The following ENPP6 variants were observed in gnomAD, a reference collection of about 807,000 sequenced individuals.
ENPP6 encodes the protein glycerophosphocholine cholinephosphodiesterase ENPP6.
Under a neutral mutation model 42.0 loss-of-function variants are expected in ENPP6, and 32 were observed. That is an observed-to-expected ratio of 0.76 (90% CI 0.58 to 1.02). ENPP6 has a LOEUF of 1.02. Among genes scored for constraint, ENPP6 ranks in the 50% least tolerant of loss-of-function variants. The probability of loss-of-function intolerance (pLI) is 0.00; values close to 1 mark genes in which losing one functional copy is unlikely to be tolerated. For synonymous variants in ENPP6, 213 were observed against 216.0 expected, an observed-to-expected ratio of 0.99 and a Z score of 0.12; for missense variants, 552 against 566.8, an observed-to-expected ratio of 0.97 and a Z score of 0.27.
chr4:184,131,270 T>TCCTTCCTTCCTC (rs1736625568), intron 2 of ENPP6, among the ~76,000 whole-genome samples: 1 of 111,148 alleles, frequency 9.0e-6, no homozygotes, highest in Admixed American at 8.7e-5. Context: ...CTTCCTTCCT[T>TCCTTCCTTCCTC]CCTTCCTTCC....
chr4:184,156,623 G>A lies in ENPP6; in HGVS notation c.242-2890C>T, dbSNP rs139819139. Among the ~76,000 whole-genome samples, 55 of 152,298 alleles carry A rather than the reference G, an allele frequency of 3.6e-4. 1 individual carries two copies. The East Asian group carries it at 6.0e-3, about 17-fold the overall frequency. Reference sequence around the variant, plus strand: ...CCTGACATCCTCCAACACCACAATTGCAAGTGGTTTTCAGGTATGATGTAA... The same window carrying A: ...CCTGACATCCTCCAACACCACAATTACAAGTGGTTTTCAGGTATGATGTAA... On this transcript the variant is annotated intron_variant, in intron 1 of 7. Coordinates refer to ENST00000296741, the MANE Select transcript of ENPP6 (RefSeq NM_153343.4).
At chr4:184,131,252 C>CCT (rs755358525) in intron 2 of ENPP6, among the ~76,000 whole-genome samples, 18,702 of 81,172 alleles carry the variant, frequency 0.23, 3,359 homozygotes, top group African/African-American at 0.3. Flanking sequence ...TTCTTTCTTT[C>CCT]TCTTTCTCTT....
chr4:184,196,707 A>G (rs1421861518), intron 1 of ENPP6, among the ~76,000 whole-genome samples: 2 of 152,252 alleles, frequency 1.3e-5, no homozygotes, highest in African/African-American at 4.8e-5. Context: ...AAGCTCTTAC[A>G]GAAAGAATAG....
intron 1 of ENPP6, among the ~76,000 whole-genome samples, chr4:184,154,301 C>T (rs533919191): frequency 6.6e-6 from 1 of 152,290 alleles, no homozygotes; most frequent in African/African-American, 2.4e-5. Flanking sequence ...CAGTGTTATA[C>T]AGAAACGAGG....
At chr4:184,113,899 T>TTTTCTTTTCTTTC (rs1736257244) in intron 5 of ENPP6, among the ~76,000 whole-genome samples, 3 of 103,626 alleles carry the variant, frequency 2.9e-5, no homozygotes, top group Non-Finnish European at 3.9e-5. Flanking sequence ...CCTTTCTTTC[T>TTTTCTTTTCTTTC]TTTCTTTCTT....
intron 1 of ENPP6, among the ~76,000 whole-genome samples, chr4:184,162,726 T>C (rs1471067208): frequency 3.3e-5 from 5 of 152,122 alleles, no homozygotes; most frequent in Non-Finnish European, 7.4e-5. Flanking sequence ...TCACCTTCTT[T>C]GAAAGGTGAG....
chr4:184,093,640 AAAT>A (rs370411138), intron 7 of ENPP6, among the ~76,000 whole-genome samples: 2,058 of 132,440 alleles, frequency 0.016, 33 homozygotes, highest in Admixed American at 0.031. Flanking sequence ...CTCTGTCTCA[AAAT>A]AATAATAATA....
At chr4:184,168,249 G>C (rs1044920585) in intron 1 of ENPP6, among the ~76,000 whole-genome samples, 1 of 152,136 alleles carries the variant, frequency 6.6e-6, no homozygotes, top group Non-Finnish European at 1.5e-5. Flanking sequence ...TTCAGGTAGG[G>C]AAAGCTTTGG....
intron 2 of ENPP6, among the ~76,000 whole-genome samples, chr4:184,127,687 G>A (rs1412109933): frequency 6.6e-6 from 1 of 152,180 alleles, no homozygotes; most frequent in East Asian, 1.9e-4. Flanking sequence ...AACCTGGTGG[G>A]TGGAGGTTGC....
chr4:184,106,836 G>A (rs1370535683), intron 6 of ENPP6, among the ~76,000 whole-genome samples: 1 of 152,202 alleles, frequency 6.6e-6, no homozygotes, highest in East Asian at 1.9e-4. Flanking sequence ...GTTGGCCGTC[G>A]CTGTAGTCGG....
intron 7 of ENPP6, among the ~76,000 whole-genome samples, chr4:184,091,750 T>A (rs138770044): frequency 5.9e-5 from 9 of 152,052 alleles, no homozygotes; most frequent in African/African-American, 1.7e-4. Context: ...CTAAAAAAAA[T>A]TTTTTAAACC....
chr4:184,208,441 C>T (rs572504455), intron 1 of ENPP6, among the ~76,000 whole-genome samples: 2 of 152,148 alleles, frequency 1.3e-5, no homozygotes, highest in Non-Finnish European at 2.9e-5. Flanking sequence ...CACAAGGGGT[C>T]AGGGAGTTCC....
chr4:184,170,620 G>T (rs1395517995), intron 1 of ENPP6, among the ~76,000 whole-genome samples: 1 of 152,162 alleles, frequency 6.6e-6, no homozygotes, highest in East Asian at 1.9e-4. Flanking sequence ...TAGGCTGATT[G>T]TATCCTCGTG....
At position 184,099,027 on chromosome 4, in the gene ENPP6, C is replaced by T. The variant is rs1159112747; in HGVS notation, c.994-1659G>A. ...TAAGCTGACACCAACGTCCACTGAA[C>T]CATCACAACATCCCAGTGGGGATGA... On this transcript the variant is annotated intron_variant, in intron 6 of 7. Coordinates refer to ENST00000296741, the MANE Select transcript of ENPP6 (RefSeq NM_153343.4). Among the ~76,000 whole-genome samples the T allele has an allele frequency of 3.3e-5, 5 of 152,226 alleles. No homozygotes were observed. The East Asian group carries it at 9.6e-4, about 29-fold the overall frequency.
chr4:184,120,546 A>T (rs1736398950), intron 3 of ENPP6, among the ~76,000 whole-genome samples: 1 of 152,186 alleles, frequency 6.6e-6, no homozygotes, highest in African/African-American at 2.4e-5. Context: ...CCCATGAGCC[A>T]TTCAAGGCTC....
In ENPP6 at chr4:184,117,741, G is replaced by A. The variant is rs375249112; in HGVS notation, c.675+18C>T. ...TGACAGAGAGAAGGCCAGGCCACGT[G>A]TCTTTGCTTCAGGTCACCTGGATCC... On this transcript the variant is annotated intron_variant, in intron 4 of 7. Coordinates refer to ENST00000296741, the MANE Select transcript of ENPP6 (RefSeq NM_153343.4). The A allele has an allele frequency of 1.2e-6, 2 of 1,612,116 alleles. No homozygotes were observed. The highest frequency in any genetic ancestry group is 2.2e-5 in the East Asian group (1 of 44,826).
At chr4:184,125,451 A>G (rs1013906054) in intron 2 of ENPP6, among the ~76,000 whole-genome samples, 1 of 152,160 alleles carries the variant, frequency 6.6e-6, no homozygotes, top group Non-Finnish European at 1.5e-5. Context: ...AGCCCAGGGA[A>G]AATGATTTCC....
At chr4:184,120,239 C>A (rs1736394529) in intron 3 of ENPP6, among the ~76,000 whole-genome samples, 1 of 152,140 alleles carries the variant, frequency 6.6e-6, no homozygotes. Context: ...GGGTCCAGGC[C>A]AGGACAGGGG....
intron 7 of ENPP6, among the ~76,000 whole-genome samples, chr4:184,095,131 T>C (rs1229309227): frequency 6.6e-6 from 1 of 152,196 alleles, no homozygotes; most frequent in African/African-American, 2.4e-5. Context: ...TGCGGGAGGC[T>C]CTCCACGCTG....
Sources: gnomAD v4.1 joint callset for allele counts (sites outside exome capture counted in the v4.1 genomes callset) on GRCh38, gnomAD v4.1.1 for gene constraint, MANE v1.5 for transcripts, NCBI Gene and HGNC (gene_info 2026-07-23, HGNC 2026-07-21) for gene names.